Variants in PRTG observed in about 807,000 individuals in gnomAD.
PRTG encodes the protein immunoglobulin superfamily, DCC subclass, member 5.
Under a neutral mutation model 122.5 loss-of-function variants are expected in PRTG, and 67 were observed. The observed-to-expected ratio is 0.55, with a 90% CI of 0.45 to 0.67. The LOEUF (loss-of-function observed/expected upper bound fraction) is 0.67, where lower values mean the gene tolerates loss of function less well. Ranked by LOEUF, PRTG falls within the 30% of genes least tolerant of loss-of-function variation. The probability of loss-of-function intolerance (pLI) is 0.00; values close to 1 mark genes in which losing one functional copy is unlikely to be tolerated. For missense variants in PRTG, 1,435 were observed against 1,415.4 expected (o/e 1.01, Z -0.22); for synonymous variants, 554 against 501.1 (o/e 1.11, Z -1.41).
At chr15:55,653,314 T>C (rs982413717) in intron 11 of PRTG, among the ~76,000 whole-genome samples, 14 of 152,088 alleles carry the variant, frequency 9.2e-5, no homozygotes, top group Admixed American at 4.6e-4. Context: ...CCACCCCCCA[T>C]AGGGTCTTAA....
chr15:55,678,330 C>A (rs1323771839), intron 7 of PRTG, among the ~76,000 whole-genome samples: 2 of 152,192 alleles, frequency 1.3e-5, no homozygotes, highest in African/African-American at 4.8e-5. Context: ...CGGCCTCAAA[C>A]TCCTGGGCTC....
At chr15:55,629,372 T>C (rs912225791) in intron 15 of PRTG, among the ~76,000 whole-genome samples, 2 of 28,910 alleles carry the variant, frequency 6.9e-5, no homozygotes, top group African/African-American at 2.6e-4. Flanking sequence ...TATATATATA[T>C]ATATGTGTGT....
chr15:55,665,498 G>GA (rs956643059), intron 11 of PRTG, among the ~76,000 whole-genome samples: 2 of 118,082 alleles, frequency 1.7e-5, no homozygotes, highest in African/African-American at 5.5e-5. Context: ...AGCTAAAAAG[G>GA]TTTTTTTTGT....
At chr15:55,709,467 T>C (rs2030294863) in intron 2 of PRTG, among the ~76,000 whole-genome samples, 1 of 151,076 alleles carries the variant, frequency 6.6e-6, no homozygotes, top group South Asian at 2.1e-4. Context: ...TTTGGCAGTT[T>C]CCTAAAAAGT....
At chr15:55,728,067 T>G (rs2031099306) in intron 2 of PRTG, among the ~76,000 whole-genome samples, 1 of 152,098 alleles carries the variant, frequency 6.6e-6, no homozygotes, top group South Asian at 2.1e-4. Context: ...GGTCTCACCA[T>G]GTTGCCCAGG....
chr15:55,668,422 A>G (rs1234054025), intron 11 of PRTG, among the ~76,000 whole-genome samples: 1 of 152,196 alleles, frequency 6.6e-6, no homozygotes, highest in African/African-American at 2.4e-5. Flanking sequence ...AGATGAAAAA[A>G]GGGGAACAAA....
chr15:55,685,781 T>C (rs1446580261), intron 2 of PRTG, among the ~76,000 whole-genome samples: 1 of 152,220 alleles, frequency 6.6e-6, no homozygotes, highest in Admixed American at 6.5e-5. Context: ...ATTTGAGTTT[T>C]AAGAGTATAA....
rs2059157152 is a variant in PRTG at position 55,619,986 on chromosome 15, C to T, written c.*26G>A. On this transcript the variant is annotated 3_prime_UTR_variant, in exon 20 of 20. Coordinates refer to ENST00000389286, the MANE Select transcript of PRTG (RefSeq NM_173814.6). The stretch of plus-strand genomic sequence containing the variant: ...TCACACTTCCTCAATGCGGAATCTC[C>T]ACCTGAATCACTGCCAGTGAAAGAA... 2.5e-6 allele frequency: 4 copies of T among 1,612,274 alleles called. No homozygotes were observed. The highest frequency in any genetic ancestry group is 3.4e-6 in the Non-Finnish European group (4 of 1,179,110).
chr15:55,740,496 T>TTAA lies in PRTG; in HGVS notation c.282_283insTTA (p.Tyr94_Ile95insLeu). On this transcript the variant is annotated inframe_insertion, in exon 2 of 20. Transcript: ENST00000389286. ...CCTCGCCTGCCTTCCACCTCACTGA[T>TTAA]GTATAAAGAGCCGTTAGAAAGAACC... 1 of 1,614,220 alleles carries TTAA rather than the reference T, an allele frequency of 6.2e-7. No individual in the cohort carries two copies. The highest frequency in any genetic ancestry group is 8.5e-7 in the Non-Finnish European group (1 of 1,180,034).
chr15:55,715,641 G>A (rs1394294373), intron 2 of PRTG, among the ~76,000 whole-genome samples: 4 of 152,116 alleles, frequency 2.6e-5, no homozygotes, highest in African/African-American at 7.2e-5. Flanking sequence ...CAACATCCGA[G>A]GTCCCCTGGA....
chr15:55,665,259 C>T (rs1419713054), intron 11 of PRTG, among the ~76,000 whole-genome samples: 2 of 150,116 alleles, frequency 1.3e-5, no homozygotes, highest in Non-Finnish European at 3.0e-5. Context: ...GACTCTGTCT[C>T]AAAAAAAAGA....
chr15:55,713,380 T>C (rs1318663856), intron 2 of PRTG, among the ~76,000 whole-genome samples: 1 of 152,224 alleles, frequency 6.6e-6, no homozygotes, highest in Non-Finnish European at 1.5e-5. Context: ...GACATGTAAG[T>C]TGTTTCCAAC....
At chr15:55,648,053 T>C (rs1469086201) in intron 11 of PRTG, among the ~76,000 whole-genome samples, 1 of 152,220 alleles carries the variant, frequency 6.6e-6, no homozygotes, top group Non-Finnish European at 1.5e-5. Context: ...ACATCTTCCA[T>C]ATTGATCTAA....
intron 2 of PRTG, among the ~76,000 whole-genome samples, chr15:55,700,468 C>T (rs1447911263): frequency 6.6e-6 from 1 of 152,086 alleles, no homozygotes; most frequent in Non-Finnish European, 1.5e-5. Flanking sequence ...ATAAACTGGA[C>T]TTCATCAAAA....
Position 55,616,405 on chromosome 15 carries a change from C to G in PRTG, c.*3607G>C, listed in dbSNP as rs1204427448. On this transcript the variant is annotated 3_prime_UTR_variant, in exon 20 of 20. Transcript: ENST00000389286. ...ACTGCCTCAAGCCGTCTGAGCTAAC[C>G]AGGTAATGCTTAAAGCAGGAAGAGA... is the stretch of plus-strand genomic sequence containing the variant. 2.6e-5 allele frequency: 4 copies of G among 152,124 alleles called. No individual in the cohort carries two copies. The highest frequency in any genetic ancestry group is 9.7e-5 in the African/African-American group (4 of 41,444). 9.4% of individuals were successfully genotyped at this position (152,124 alleles called of 1,614,324 possible).
chr15:55,631,317 AAATT>A lies in PRTG; in HGVS notation c.2624-2317_2624-2314del, dbSNP rs569942916. Among the ~76,000 whole-genome samples, 246 of 152,302 alleles carry A rather than the reference AAATT, an allele frequency of 1.6e-3. 1 individual carries two copies. The highest frequency in any genetic ancestry group is 5.2e-3 in the African/African-American group (218 of 41,570). ...CATGTCTTCACAAACAGATATAAAT[AAATT>A]GAGTTTCCATTTTATGGTAAAATGC... On this transcript the variant is annotated intron_variant, in intron 15 of 19. Transcript: ENST00000389286.
chr15:55,736,033 T>C (rs892106829), intron 2 of PRTG, among the ~76,000 whole-genome samples: 1 of 152,192 alleles, frequency 6.6e-6, no homozygotes, highest in Non-Finnish European at 1.5e-5. Context: ...TAAAGGCGAA[T>C]TTTTTTGGAT....
chr15:55,647,284 T>C (rs1442841073), intron 11 of PRTG, among the ~76,000 whole-genome samples: 1 of 151,816 alleles, frequency 6.6e-6, no homozygotes, highest in Admixed American at 6.6e-5. Context: ...CGTCTCAAAA[T>C]AAAAAAGGAA....
chr15:55,717,073 A>T (rs1247347602), intron 2 of PRTG, among the ~76,000 whole-genome samples: 1 of 152,216 alleles, frequency 6.6e-6, no homozygotes, highest in East Asian at 1.9e-4. Context: ...TAGCTGACTA[A>T]TAGAAACTTC....
Sources: gnomAD v4.1 joint callset for allele counts (sites outside exome capture counted in the v4.1 genomes callset) on GRCh38, gnomAD v4.1.1 for gene constraint, MANE v1.5 for transcripts, NCBI Gene and HGNC (gene_info 2026-07-23, HGNC 2026-07-21) for gene names.